SVOP: variants seen among roughly 807,000 people sequenced by gnomAD.
SVOP encodes SV2 related protein.
Under a neutral mutation model 69.1 loss-of-function variants are expected in SVOP, and 17 were observed. The observed-to-expected ratio is 0.25, with a 90% confidence interval of 0.17 to 0.37. The LOEUF is 0.37. SVOP is among the 10% of genes least tolerant of loss of function. The pLI is 1.00. For missense variants in SVOP, 435 were observed against 597.5 expected, an observed-to-expected ratio of 0.73 and a Z score of 2.84; for synonymous variants, 238 against 238.6, an observed-to-expected ratio of 1.00 and a Z score of 0.02.
chr12:108,917,915 G>A (rs2039724197), intron 14 of SVOP, 128 bp downstream of exon 14: 13 of 689,292 alleles, frequency 1.9e-5, no homozygotes, highest in Non-Finnish European at 2.7e-5. Context: ...CAAAGTGTTG[G>A]GATTATAGGC....
At chr12:108,985,263 G>C (rs1298909455) in intron 1 of SVOP, among the ~76,000 whole-genome samples, 4 of 149,372 alleles carry the variant, frequency 2.7e-5, no homozygotes, top group Non-Finnish European at 5.9e-5. Context: ...AAGAAAGAAA[G>C]AGAGAGAGAG....
chr12:108,973,821 C>A (rs2040092425), intron 4 of SVOP, among the ~76,000 whole-genome samples: 1 of 152,182 alleles, frequency 6.6e-6, no homozygotes, highest in Non-Finnish European at 1.5e-5. Flanking sequence ...CTCAGCCACA[C>A]CTCTCTAGGC....
At chr12:108,917,960 A>G in intron 14 of SVOP, 83 bp downstream of exon 14, 2 of 1,186,232 alleles carry the variant, frequency 1.7e-6, no homozygotes, top group South Asian at 3.2e-5. Flanking sequence ...ATTCTTTTTA[A>G]TGGTTTCTGG....
intron 4 of SVOP, among the ~76,000 whole-genome samples, chr12:108,977,067 C>A (rs1219842124): frequency 6.6e-6 from 1 of 152,176 alleles, no homozygotes; most frequent in Non-Finnish European, 1.5e-5. Context: ...TTCCAGTCCT[C>A]AAATAATCCT....
chr12:108,929,424 AC>A (rs1396857757), intron 11 of SVOP, among the ~76,000 whole-genome samples: 1 of 152,038 alleles, frequency 6.6e-6, no homozygotes, highest in African/African-American at 2.4e-5. Context: ...CCAGGCCCAG[AC>A]AATCCTCCTG....
chr12:108,944,998 G>T, intron 7 of SVOP, 105 bp downstream of exon 7: 1 of 1,067,886 alleles, frequency 9.4e-7, no homozygotes, highest in Non-Finnish European at 1.4e-6. Flanking sequence ...AGTCTGTAAT[G>T]TTTTTTTCTT....
At chr12:108,962,316 C>T (rs1467076986) in intron 5 of SVOP, among the ~76,000 whole-genome samples, 1 of 152,124 alleles carries the variant, frequency 6.6e-6, no homozygotes, top group Non-Finnish European at 1.5e-5. Context: ...CCAGGCTATT[C>T]TCAAACTCCT....
intron 12 of SVOP, among the ~76,000 whole-genome samples, chr12:108,922,347 G>A (rs771652785): frequency 6.6e-6 from 1 of 152,150 alleles, no homozygotes; most frequent in Non-Finnish European, 1.5e-5. Flanking sequence ...CTCCACGTGG[G>A]TCCTTCCTCA....
chr12:108,928,506 C>A (rs975542174), intron 11 of SVOP, among the ~76,000 whole-genome samples: 4 of 151,786 alleles, frequency 2.6e-5, no homozygotes, highest in Admixed American at 1.3e-4. Flanking sequence ...GGAGAAGGGG[C>A]CTCTGACCTT....
chr12:108,914,872 T>C (rs938795051), intron 15 of SVOP, among the ~76,000 whole-genome samples: 1 of 150,608 alleles, frequency 6.6e-6, no homozygotes, highest in Admixed American at 6.6e-5. Context: ...TTTCCTTTTG[T>C]TAAAAAAAAA....
chr12:108,937,362 T>C (rs756515993), intron 9 of SVOP, 25 bp from the exon 10 acceptor site: 63 of 1,610,956 alleles, frequency 3.9e-5, no homozygotes, highest in Non-Finnish European at 3.7e-5. Context: ...GGACATAGTG[T>C]TTATTCTCTC....
intron 5 of SVOP, among the ~76,000 whole-genome samples, chr12:108,971,090 T>C: frequency 6.6e-6 from 1 of 151,800 alleles, no homozygotes; most frequent in East Asian, 1.9e-4. Context: ...CCAATACAGG[T>C]TCTGTTATTT....
At position 108,912,420 on chromosome 12, in the gene SVOP, G is replaced by T; in HGVS notation, c.*115C>A. On this transcript the variant is annotated 3_prime_UTR_variant, in exon 16 of 16. Coordinates refer to ENST00000610966, the MANE Select transcript of SVOP (RefSeq NM_018711.5). ...AAGACACAAAACCCTGTTGGTCCAG[G>T]TCATACTCTTGGGTGAGTTCTTGAT... 1 of 1,552,192 alleles carries T rather than the reference G, an allele frequency of 6.4e-7. No homozygotes were observed. The highest frequency in any genetic ancestry group is 8.7e-7 in the Non-Finnish European group (1 of 1,149,262).
At chr12:108,918,327 T>G (rs894413868) in intron 13 of SVOP, among the ~76,000 whole-genome samples, 1 of 152,128 alleles carries the variant, frequency 6.6e-6, no homozygotes, top group Non-Finnish European at 1.5e-5. Flanking sequence ...TTCCTCAAAG[T>G]AACAGGCTGA....
chr12:108,971,257 T>C (rs146385997), intron 5 of SVOP, among the ~76,000 whole-genome samples: 104,796 of 151,702 alleles, frequency 0.69, 36,723 homozygotes, highest in South Asian at 0.79. Flanking sequence ...GGTGAAACCC[T>C]GTCTGTACTA....
In SVOP at chr12:108,983,684, A is replaced by G. The variant is rs2040153888; in HGVS notation, c.113T>C (p.Ile38Thr). The G allele has an allele frequency of 2.5e-6, 1 of 398,624 alleles. No homozygotes were observed. Among genetic ancestry groups the G allele is most frequent in the Non-Finnish European group, 4.4e-6 (1 of 226,214 alleles). 24.7% of individuals were successfully genotyped at this position (398,624 alleles called of 1,614,324 possible). The change falls in exon 2 of 16, where the codon ATT becomes ACT. Residue 38 changes from isoleucine to threonine, a missense_variant. Physicochemically the swap from Ile to Thr is moderately conservative, Grantham distance 89. Transcript: ENST00000610966. ...DTASGEHEVQ[I>T]EGVHVGLEAV... is the part of the protein sequence containing the mutation. ...CTCTAGGCCCACGTGGACCCCTTCA[A>G]TCTGGACTTCATGCTCTCCTGAAGC...
At chr12:108,933,132 C>T (rs1015332406) in intron 11 of SVOP, among the ~76,000 whole-genome samples, 4 of 152,184 alleles carry the variant, frequency 2.6e-5, no homozygotes, top group African/African-American at 9.7e-5. Flanking sequence ...GCCTCGGCCT[C>T]CTAAAGTGCT....
At chr12:108,974,050 C>A (rs750936849) in intron 4 of SVOP, among the ~76,000 whole-genome samples, 4 of 152,180 alleles carry the variant, frequency 2.6e-5, no homozygotes, top group African/African-American at 7.2e-5. Context: ...CTTTGGCACA[C>A]GCAATTTGGA....
chr12:108,964,818 T>G (rs1258798354), intron 5 of SVOP, among the ~76,000 whole-genome samples: 1 of 152,130 alleles, frequency 6.6e-6, no homozygotes, highest in Non-Finnish European at 1.5e-5. Flanking sequence ...CCTCCTTCCC[T>G]CTCTCCCTTC....
Sources: gnomAD v4.1 joint callset for allele counts (sites outside exome capture counted in the v4.1 genomes callset) on GRCh38, gnomAD v4.1.1 for gene constraint, MANE v1.5 for transcripts, NCBI Gene and HGNC (gene_info 2026-07-23, HGNC 2026-07-21) for gene names.